The following LAMA1 variants were observed in gnomAD, a reference collection of about 807,000 sequenced individuals.
The protein encoded by LAMA1 is laminin subunit alpha 1, also known as laminin subunit alpha-1.
In LAMA1, 219 loss-of-function variants were observed where a neutral mutation model predicts 348.7. The ratio of observed to expected loss-of-function variants is 0.63; its 90% CI spans 0.56 to 0.70. The LOEUF (loss-of-function observed/expected upper bound fraction) is 0.70. Among genes scored for constraint, LAMA1 ranks in the 30% least tolerant of loss-of-function variants. The pLI, the probability that LAMA1 is intolerant of heterozygous loss-of-function variation, is 0.00. For synonymous variants in LAMA1, 1,487 were observed against 1,491.0 expected, an observed-to-expected ratio of 1.00 and a Z score of 0.06; for missense variants, 3,744 against 3,888.0, an observed-to-expected ratio of 0.96 and a Z score of 0.99.
rs2057885819 is a variant in LAMA1, at chr18:7,015,968, C to T, written c.2990-110G>A. 3.0e-6 allele frequency: 4 copies of T among 1,332,744 alleles called. No individual in the cohort carries two copies. The African/African-American group carries it at 5.8e-5, about 19-fold the overall frequency. The allele number at this position is 1,332,744 out of a possible 1,614,324, so 82.6% of individuals were successfully genotyped here. ...AAGAGTCCAAGCCACTCTTCTCACTCCTAAAAGACGCCTCACAATTCCCAA... is the reference window on the plus strand; with the variant it reads ...AAGAGTCCAAGCCACTCTTCTCACTTCTAAAAGACGCCTCACAATTCCCAA... On this transcript the variant is annotated intron_variant, in intron 21 of 62. Transcript: ENST00000389658.
intron 34 of LAMA1, 57 bp from the exon 35 acceptor site, chr18:6,993,809 A>G: frequency 1.1e-6 from 1 of 952,124 alleles, no homozygotes; most frequent in South Asian, 1.3e-5. Flanking sequence ...GTTTGACTTT[A>G]AATAATACGC....
intron 20 of LAMA1, 71 bp from the exon 21 acceptor site, chr18:7,016,742 T>C (rs2057890231): frequency 1.6e-5 from 21 of 1,329,108 alleles, no homozygotes; most frequent in Non-Finnish European, 2.2e-5. Flanking sequence ...TATTAGTATG[T>C]TCCAGAACAC....
intron 16 of LAMA1, among the ~76,000 whole-genome samples, chr18:7,029,721 G>A (rs987623948): frequency 1.3e-5 from 2 of 152,128 alleles, no homozygotes; most frequent in Non-Finnish European, 2.9e-5. Context: ...CCCAAGACAT[G>A]CACAATTTAC....
At chr18:7,011,939 C>G in intron 24 of LAMA1, 56 bp downstream of exon 24, 1 of 1,548,278 alleles carries the variant, frequency 6.5e-7, no homozygotes, top group South Asian at 1.2e-5. Flanking sequence ...CCACCCCCAC[C>G]CACCTCCCAG....
At chr18:7,109,555 C>T (rs2058327439) in intron 1 of LAMA1, among the ~76,000 whole-genome samples, 1 of 152,092 alleles carries the variant, frequency 6.6e-6, no homozygotes, top group Admixed American at 6.6e-5. Context: ...TATATTGCAG[C>T]CTGTGCATGA....
intron 36 of LAMA1, among the ~76,000 whole-genome samples, chr18:6,989,826 C>T (rs554425964): frequency 7.5e-4 from 114 of 152,280 alleles, no homozygotes; most frequent in Non-Finnish European, 1.4e-3. Context: ...TAACCTTCCT[C>T]AGCCCCCCAC....
In LAMA1 at chr18:6,965,358, G is replaced by A. The variant is rs1238373606; in HGVS notation, c.7125C>T (p.Thr2375=). Residue 2375 remains threonine, a synonymous_variant, in exon 50 of 63, where the codon ACC becomes ACT. Transcript: ENST00000389658. The part of the protein sequence containing the change: ...VMTDLGSGPI[T]LLTDRRYNNG... ...TGTTATAACGTCTGTCTGTCAAAAG[G>A]GTAATGGGTCCTGAACCCAGGTCAG... The A allele has an allele frequency of 6.2e-7, 1 of 1,614,042 alleles. No individual in the cohort carries two copies. The highest frequency in any genetic ancestry group is 8.5e-7 in the Non-Finnish European group (1 of 1,180,024).
intron 57 of LAMA1, among the ~76,000 whole-genome samples, chr18:6,951,925 G>A (rs1480980458): frequency 6.6e-6 from 1 of 152,192 alleles, no homozygotes; most frequent in East Asian, 1.9e-4. Flanking sequence ...GCAGGACTGA[G>A]GGAAGCCTGC....
At chr18:6,960,973 G>C (rs968452738) in intron 53 of LAMA1, among the ~76,000 whole-genome samples, 1 of 152,158 alleles carries the variant, frequency 6.6e-6, no homozygotes, top group African/African-American at 2.4e-5. Flanking sequence ...TAGCTGCATG[G>C]ACTCAACTTG....
rs1418545944 is a variant in LAMA1 at position 7,008,574 on chromosome 18, C to A, written c.4036G>T (p.Ala1346Ser). ...SDISMEVGRK[A>S]EKLHPEEEVA... ...TCTTCTTCTGGGTGCAGCTTTTCAG[C>A]CTTTCTGCCAACCTCCATTGAAATG... Residue 1346 changes from alanine to serine, a missense_variant, in exon 28 of 63, where the codon GCT becomes TCT. Physicochemically the swap from Ala to Ser is moderately conservative, Grantham distance 99 (BLOSUM62 1). Coordinates refer to ENST00000389658, the MANE Select transcript of LAMA1 (RefSeq NM_005559.4). 5.0e-6 allele frequency: 8 copies of A among 1,613,932 alleles called. No homozygotes were observed. The highest frequency in any genetic ancestry group is 5.9e-6 in the Non-Finnish European group (7 of 1,180,006).
At chr18:7,020,638 T>G (rs2057911334) in intron 19 of LAMA1, among the ~76,000 whole-genome samples, 1 of 152,132 alleles carries the variant, frequency 6.6e-6, no homozygotes, top group Admixed American at 6.5e-5. Context: ...CTGGTCAGCA[T>G]CAGCCCTACT....
chr18:7,061,304 TA>T (rs2058101167), intron 3 of LAMA1, among the ~76,000 whole-genome samples: 1 of 152,240 alleles, frequency 6.6e-6, no homozygotes, highest in South Asian at 2.1e-4. Flanking sequence ...GTGATTTTGC[TA>T]AATTTGTGGA....
intron 36 of LAMA1, among the ~76,000 whole-genome samples, chr18:6,987,708 G>A (rs2057741349): frequency 6.6e-6 from 1 of 152,008 alleles, no homozygotes; most frequent in Non-Finnish European, 1.5e-5. Flanking sequence ...CAGGTCACTG[G>A]GTTAAGACAC....
intron 3 of LAMA1, among the ~76,000 whole-genome samples, chr18:7,059,944 A>C (rs1228036494): frequency 1.3e-5 from 2 of 152,248 alleles, no homozygotes; most frequent in Non-Finnish European, 2.9e-5. Flanking sequence ...AAATTATTAG[A>C]GAATGAAATG....
At chr18:6,949,359 A>C (rs985959685) in intron 58 of LAMA1, 100 bp from the exon 59 acceptor site, 90 of 1,172,348 alleles carry the variant, frequency 7.7e-5, no homozygotes, top group Non-Finnish European at 1.1e-4. Flanking sequence ...TCTGAGAGCT[A>C]TAACAACCTG....
chr18:6,949,786 CCAAA>C (rs2057538148), intron 58 of LAMA1, among the ~76,000 whole-genome samples: 1 of 152,138 alleles, frequency 6.6e-6, no homozygotes, highest in East Asian at 1.9e-4. Context: ...TGCTCAGGGA[CCAAA>C]ATCGCCTTTG....
intron 32 of LAMA1, among the ~76,000 whole-genome samples, chr18:6,999,015 A>C (rs1290419492): frequency 6.6e-6 from 1 of 151,924 alleles, no homozygotes; most frequent in Non-Finnish European, 1.5e-5. Context: ...CCTGGGGGAC[A>C]GAGCAAGACT....
Position 7,009,128 on chromosome 18 carries a change from A to T in LAMA1, c.4001+111T>A, listed in dbSNP as rs2057846837. On this transcript the variant is annotated intron_variant, in intron 27 of 62. Transcript: ENST00000389658. ...TTAACAATGTTTTGGTAAGGAACTG[A>T]ACTACATGGATTAATAAAAATAGTA... 3.3e-6 allele frequency: 4 copies of T among 1,215,352 alleles called. 1 individual carries two copies. In the South Asian group the frequency reaches 5.0e-5, roughly 15 times the overall value. 75.3% of individuals were successfully genotyped at this position (1,215,352 alleles called of 1,614,324 possible). A position where few individuals can be genotyped will look rare whatever the true frequency, so the allele number is the denominator to read the frequency against.
chr18:7,106,180 T>C (rs72889747), intron 1 of LAMA1, among the ~76,000 whole-genome samples: 14,589 of 152,168 alleles, frequency 0.096, 2,162 homozygotes, highest in African/African-American at 0.31. Context: ...AGAGCACTAG[T>C]CTGTGGGCTG....
Sources: allele counts gnomAD v4.1 joint callset (sites outside exome capture counted in the v4.1 genomes callset), GRCh38; gene constraint gnomAD v4.1.1; transcripts MANE v1.5; gene names NCBI Gene and HGNC (gene_info 2026-07-23, HGNC 2026-07-21).